The following CNTNAP5 variants were observed in gnomAD, a reference collection of about 807,000 sequenced individuals.
CNTNAP5 encodes the protein contactin-associated protein-like 5.
Under a neutral mutation model 150.2 loss-of-function variants are expected in CNTNAP5, and 72 were observed. That is an observed-to-expected ratio of 0.48 (90% CI 0.40 to 0.58). The LOEUF (loss-of-function observed/expected upper bound fraction) is 0.58. CNTNAP5 is among the 20% of genes least tolerant of loss of function. The probability of loss-of-function intolerance (pLI) is 0.00; values close to 1 mark genes in which losing one functional copy is unlikely to be tolerated. For missense variants in CNTNAP5, 1,636 were observed against 1,626.2 expected, an observed-to-expected ratio of 1.01 and a Z score of -0.10; for synonymous variants, 672 against 619.8, an observed-to-expected ratio of 1.08 and a Z score of -1.25.
intron 13 of CNTNAP5, among the ~76,000 whole-genome samples, chr2:124,708,211 T>G (rs986421321): frequency 1.3e-5 from 2 of 152,196 alleles, no homozygotes; most frequent in African/African-American, 4.8e-5. Flanking sequence ...ACTGATGAAC[T>G]GCTTACGAAG....
intron 1 of CNTNAP5, among the ~76,000 whole-genome samples, chr2:124,149,367 G>T (rs1684344265): frequency 1.5e-5 from 2 of 131,454 alleles, no homozygotes; most frequent in Non-Finnish European, 3.1e-5. Context: ...ACATGCATTT[G>T]CTAGCATACC....
Position 124,747,394 on chromosome 2 carries a change from A to G in CNTNAP5, c.2234+9A>G, listed in dbSNP as rs1680627345. Reference sequence around the variant, plus strand: ...GCTGACAAGGATGAATGGTAATGAGAATCTCCATCTTTCTGCAATTGTAGA... The same window carrying G: ...GCTGACAAGGATGAATGGTAATGAGGATCTCCATCTTTCTGCAATTGTAGA... On this transcript the variant is annotated intron_variant, in intron 14 of 23. Coordinates refer to ENST00000682447, the MANE Select transcript of CNTNAP5 (RefSeq NM_001367498.1). The G allele has an allele frequency of 1.2e-6, 2 of 1,613,604 alleles. No homozygotes were observed. Among genetic ancestry groups the G allele is most frequent in the African/African-American group, 1.3e-5 (1 of 75,014 alleles).
intron 1 of CNTNAP5, among the ~76,000 whole-genome samples, chr2:124,067,945 C>T (rs1682202049): frequency 6.6e-6 from 1 of 151,882 alleles, no homozygotes; most frequent in Non-Finnish European, 1.5e-5. Flanking sequence ...GTGCATATAG[C>T]CTGGATATAT....
chr2:124,558,400 G>T (rs1017495605), intron 10 of CNTNAP5, among the ~76,000 whole-genome samples: 8 of 59,288 alleles, frequency 1.3e-4, no homozygotes, highest in Non-Finnish European at 2.3e-4. Context: ...AAAGCAGGTG[G>T]TGGGGGCAGG....
At chr2:124,850,267 A>G (rs1683127999) in intron 19 of CNTNAP5, among the ~76,000 whole-genome samples, 1 of 152,214 alleles carries the variant, frequency 6.6e-6, no homozygotes, top group South Asian at 2.1e-4. Flanking sequence ...AGGTCTTAAC[A>G]GATGTAATAA....
chr2:124,214,472 G>A (rs1005162852), intron 1 of CNTNAP5, among the ~76,000 whole-genome samples: 1 of 152,090 alleles, frequency 6.6e-6, no homozygotes, highest in Non-Finnish European at 1.5e-5. Context: ...ATGAATTTGC[G>A]ATAATTACTT....
chr2:124,859,554 A>C (rs1057231593), intron 19 of CNTNAP5, among the ~76,000 whole-genome samples: 3 of 152,238 alleles, frequency 2.0e-5, no homozygotes, highest in Admixed American at 6.5e-5. Flanking sequence ...CCGTCCCATT[A>C]CTGGGTATAT....
chr2:124,498,323 T>C, intron 7 of CNTNAP5, among the ~76,000 whole-genome samples: 1 of 152,180 alleles, frequency 6.6e-6, no homozygotes, highest in East Asian at 1.9e-4. Context: ...CCATTGTAGT[T>C]CCTCATACAG....
Position 124,919,734 on chromosome 2 carries a change from T to G in CNTNAP5, c.*5446T>G, listed in dbSNP as rs2104776910. ...CATGATTTTTTTTACCTTCCAACACTTCTTCAGTCACATTCTTTTTTTTCA... is the reference window on the plus strand; with the variant it reads ...CATGATTTTTTTTACCTTCCAACACGTCTTCAGTCACATTCTTTTTTTTCA... On this transcript the variant is annotated 3_prime_UTR_variant, in exon 24 of 24. Coordinates refer to ENST00000682447, the MANE Select transcript of CNTNAP5 (RefSeq NM_001367498.1). Among the ~76,000 whole-genome samples the G allele has an allele frequency of 6.6e-6, 1 of 152,240 alleles. No homozygotes were observed. The highest frequency in any genetic ancestry group is 1.5e-5 in the Non-Finnish European group (1 of 67,998).
chr2:124,062,593 G>C (rs1348176154), intron 1 of CNTNAP5, among the ~76,000 whole-genome samples: 1 of 152,150 alleles, frequency 6.6e-6, no homozygotes, highest in Non-Finnish European at 1.5e-5. Context: ...CCTATTACGG[G>C]CTCCAGAGCA....
intron 12 of CNTNAP5, among the ~76,000 whole-genome samples, chr2:124,621,845 T>C (rs986499696): frequency 6.6e-6 from 1 of 152,210 alleles, no homozygotes; most frequent in Admixed American, 6.5e-5. Flanking sequence ...AGCTGTATCA[T>C]ATAGCAAAGT....
intron 10 of CNTNAP5, among the ~76,000 whole-genome samples, chr2:124,539,066 C>G (rs527738670): frequency 2.6e-5 from 4 of 152,312 alleles, no homozygotes; most frequent in South Asian, 2.1e-4. Context: ...CAAAAGCATT[C>G]ATCGATGGCC....
chr2:124,169,640 C>T (rs1473548442), intron 1 of CNTNAP5, among the ~76,000 whole-genome samples: 1 of 152,138 alleles, frequency 6.6e-6, no homozygotes, highest in Non-Finnish European at 1.5e-5. Context: ...TTGAAGAACC[C>T]TATCCTGTTG....
chr2:124,057,867 G>A (rs910765430), intron 1 of CNTNAP5, among the ~76,000 whole-genome samples: 1 of 151,790 alleles, frequency 6.6e-6, no homozygotes, highest in African/African-American at 2.4e-5. Flanking sequence ...TGAGGGGGCG[G>A]ATACCCCATT....
At chr2:124,528,325 G>A (rs958303960) in intron 10 of CNTNAP5, among the ~76,000 whole-genome samples, 1 of 152,136 alleles carries the variant, frequency 6.6e-6, no homozygotes, top group Non-Finnish European at 1.5e-5. Context: ...CAGACACATG[G>A]CAGCAGCAAC....
Position 124,609,836 on chromosome 2 carries a change from C to G in CNTNAP5, c.1792C>G (p.Gln598Glu), listed in dbSNP as rs772973827. ...GCAATCCTGCGAGGTGTACAGGCAC[C>G]AGGGGAATACAGCCGGCTTCTTCTA... is the stretch of plus-strand genomic sequence containing the variant. The part of the protein sequence containing the change: ...YEQSCEVYRH[Q>E]GNTAGFFYID... The change falls in exon 12 of 24, where the codon CAG (glutamine) becomes GAG (glutamate). Residue 598 changes from glutamine (Q) to glutamate (E), a missense_variant. Coordinates refer to ENST00000682447, the MANE Select transcript of CNTNAP5 (RefSeq NM_001367498.1). 1 of 1,613,944 alleles carries G rather than the reference C, an allele frequency of 6.2e-7. No individual in the cohort carries two copies. The highest frequency in any genetic ancestry group is 2.2e-5 in the East Asian group (1 of 44,872).
chr2:124,311,658 T>C lies in CNTNAP5; in HGVS notation c.381+69265T>C, dbSNP rs1329929073. 2.0e-5 allele frequency among the ~76,000 whole-genome samples: 3 copies of C among 152,212 alleles called. No individual in the cohort carries two copies. In the East Asian group the frequency reaches 5.8e-4, roughly 29 times the overall value. On this transcript the variant is annotated intron_variant, in intron 3 of 23. Transcript: ENST00000682447. ...ACATGATTCAGTCCATAGCACTGCC[T>C]AACTGCAGTCCTTAGGTTCTCTAAT...
intron 12 of CNTNAP5, among the ~76,000 whole-genome samples, chr2:124,646,077 A>C (rs1044533495): frequency 3.9e-5 from 6 of 152,164 alleles, no homozygotes; most frequent in South Asian, 2.1e-4. Context: ...GCAGGGACAA[A>C]TATCCAAACC....
At chr2:124,737,480 G>C (rs2105133950) in intron 13 of CNTNAP5, among the ~76,000 whole-genome samples, 1 of 152,206 alleles carries the variant, frequency 6.6e-6, no homozygotes, top group Admixed American at 6.5e-5. Flanking sequence ...TGGCAAGGAG[G>C]CCAGTACAGC....
Sources: gnomAD v4.1 joint callset for allele counts (sites outside exome capture counted in the v4.1 genomes callset) on GRCh38, gnomAD v4.1.1 for gene constraint, MANE v1.5 for transcripts, NCBI Gene and HGNC (gene_info 2026-07-23, HGNC 2026-07-21) for gene names.